The following ARPP21 variants were observed in gnomAD, a reference collection of about 807,000 sequenced individuals.
ARPP21 encodes cAMP-regulated phosphoprotein 21.
ARPP21 carries 69 observed loss-of-function variants against 113.2 expected under a neutral mutation model. The observed-to-expected ratio is 0.61, with a 90% confidence interval of 0.50 to 0.74. The LOEUF (loss-of-function observed/expected upper bound fraction) is 0.74, where lower values mean the gene tolerates loss of function less well. Among genes scored for constraint, ARPP21 ranks in the 30% least tolerant of loss-of-function variants. ARPP21 has a pLI of 0.00. For missense variants in ARPP21, 1,070 were observed against 1,037.4 expected (o/e 1.03, Z -0.43); for synonymous variants, 368 against 375.5 (o/e 0.98, Z 0.23).
chr3:35,683,655 G>C (rs536190474), intron 4 of ARPP21, 71 bp from the exon 5 acceptor site: 1 of 736,696 alleles, frequency 1.4e-6, no homozygotes, highest in African/African-American at 1.7e-5. Flanking sequence ...GAGATGATTT[G>C]GCAGTCTGAG....
At chr3:35,683,896 G>T (rs779599344) in intron 5 of ARPP21, 81 bp downstream of exon 5, 1 of 972,278 alleles carries the variant, frequency 1.0e-6, no homozygotes, top group Middle Eastern at 2.1e-4. Context: ...GTGTTAAACA[G>T]TGTTTTGGGG....
At chr3:35,643,998 T>G (rs1699207596) in intron 1 of ARPP21, among the ~76,000 whole-genome samples, 1 of 152,030 alleles carries the variant, frequency 6.6e-6, no homozygotes, top group African/African-American at 2.4e-5. Context: ...CTTCCTTTCT[T>G]TAGACAAAGG....
Position 35,743,907 on chromosome 3 carries a change from C to G in ARPP21, c.2079C>G (p.Ala693=), listed in dbSNP as rs1433240310. 6.2e-7 allele frequency: 1 copy of G among 1,613,532 alleles called. No individual in the cohort carries two copies. The highest frequency in any genetic ancestry group is 8.5e-7 in the Non-Finnish European group (1 of 1,179,526). Reference sequence around the variant, plus strand: ...CCACGCAACAGTACCGGCCCATGGCCCCGGTTCAGTACAACGCTCAGAGGA... The same window carrying G: ...CCACGCAACAGTACCGGCCCATGGCGCCGGTTCAGTACAACGCTCAGAGGA... ...TSTTQQYRPM[A]PVQYNAQRSQ... is the part of the protein sequence containing the mutation. The change falls in exon 19 of 21, where the codon GCC becomes GCG. Residue 693 remains alanine (A), a synonymous_variant. Transcript: ENST00000684406.
intron 1 of ARPP21, among the ~76,000 whole-genome samples, chr3:35,652,648 A>G (rs1015359229): frequency 1.3e-5 from 2 of 152,022 alleles, no homozygotes; most frequent in African/African-American, 2.4e-5. Context: ...GGGCTTATAT[A>G]TTTTACTGGG....
intron 9 of ARPP21, among the ~76,000 whole-genome samples, chr3:35,702,224 C>T (rs544110218): frequency 6.6e-6 from 1 of 151,530 alleles, no homozygotes; most frequent in African/African-American, 2.4e-5. Context: ...GTATTAATTG[C>T]TTTTCTATGT....
intron 19 of ARPP21, among the ~76,000 whole-genome samples, chr3:35,782,546 A>G (rs1441644645): frequency 1.3e-5 from 2 of 151,992 alleles, no homozygotes; most frequent in Non-Finnish European, 2.9e-5. Context: ...TTGCTGCTGG[A>G]TCAAATAAAG....
chr3:35,731,837 G>A (rs2093995978), intron 15 of ARPP21, among the ~76,000 whole-genome samples: 1 of 152,124 alleles, frequency 6.6e-6, no homozygotes, highest in African/African-American at 2.4e-5. Flanking sequence ...AGAAATACTT[G>A]GGTGTTAGGA....
At chr3:35,682,809 T>C (rs779606570) in intron 3 of ARPP21, 39 bp from the exon 4 acceptor site, 2 of 1,579,536 alleles carry the variant, frequency 1.3e-6, no homozygotes, top group Non-Finnish European at 8.6e-7. Context: ...TTTTTGTTTG[T>C]TTTATTTTAT....
chr3:35,707,564 A>G (rs1559690785), intron 10 of ARPP21: 2 of 457,078 alleles, frequency 4.4e-6, no homozygotes, highest in Non-Finnish European at 8.8e-6. Flanking sequence ...GGATTTTGCA[A>G]CTATCCTAAA....
chr3:35,701,770 G>A (rs1432923306), intron 9 of ARPP21, among the ~76,000 whole-genome samples: 1 of 151,204 alleles, frequency 6.6e-6, no homozygotes, highest in Admixed American at 6.6e-5. Flanking sequence ...GACAGGGTAG[G>A]AGTGGTTGAC....
chr3:35,660,878 C>A (rs1490868002), intron 1 of ARPP21, among the ~76,000 whole-genome samples: 1 of 152,004 alleles, frequency 6.6e-6, no homozygotes, highest in African/African-American at 2.4e-5. Context: ...AGTGAACAAT[C>A]CTATAATGAC....
At chr3:35,728,239 G>A (rs1253009228) in intron 14 of ARPP21, among the ~76,000 whole-genome samples, 3 of 15,532 alleles carry the variant, frequency 1.9e-4, no homozygotes, top group African/African-American at 8.0e-4. Context: ...TTTTTTTTTT[G>A]ACGGAGTCTG....
intron 19 of ARPP21, among the ~76,000 whole-genome samples, chr3:35,749,290 C>A (rs1313806709): frequency 6.6e-6 from 1 of 152,002 alleles, no homozygotes; most frequent in Non-Finnish European, 1.5e-5. Flanking sequence ...ACATTCAAAT[C>A]ACACACTAGA....
rs559721693 is a variant in ARPP21 at position 35,697,005 on chromosome 3, T to C, written c.686+6000T>C. 5.9e-5 allele frequency among the ~76,000 whole-genome samples: 9 copies of C among 151,696 alleles called. No homozygotes were observed. In the East Asian group the frequency reaches 9.8e-4, roughly 16 times the overall value. On this transcript the variant is annotated intron_variant, in intron 9 of 20. Transcript: ENST00000684406. ...AAGGAAGCACACTTAGAGTGTACCATTGGAGACTAGAAACCATCCTCTTGC... is the reference window on the plus strand; with the variant it reads ...AAGGAAGCACACTTAGAGTGTACCACTGGAGACTAGAAACCATCCTCTTGC...
chr3:35,727,284 A>T lies in ARPP21; in HGVS notation c.1226-2019A>T, dbSNP rs149283821. ...GTCGTGATTAAAGCTTGAGCTATAG[A>T]TCAGTCTGCACAGACCAAATTCCAG... On this transcript the variant is annotated intron_variant, in intron 14 of 20. Coordinates refer to ENST00000684406, the MANE Select transcript of ARPP21 (RefSeq NM_001385562.1). 1.2e-4 allele frequency among the ~76,000 whole-genome samples: 19 copies of T among 152,340 alleles called. No individual in the cohort carries two copies. In the East Asian group the frequency reaches 3.7e-3, roughly 29 times the overall value.
At chr3:35,696,397 C>T (rs1452104129) in intron 9 of ARPP21, among the ~76,000 whole-genome samples, 1 of 151,476 alleles carries the variant, frequency 6.6e-6, no homozygotes, top group Non-Finnish European at 1.5e-5. Flanking sequence ...TCAGAGCCAA[C>T]CAGAGTAAGA....
At chr3:35,718,203 T>C (rs547002821) in intron 13 of ARPP21, among the ~76,000 whole-genome samples, 27 of 152,320 alleles carry the variant, frequency 1.8e-4, no homozygotes, top group African/African-American at 6.3e-4. Flanking sequence ...TTCTGGACTT[T>C]AGAACTCATT....
chr3:35,678,291 G>A (rs1031876373), intron 1 of ARPP21, among the ~76,000 whole-genome samples: 3 of 151,892 alleles, frequency 2.0e-5, no homozygotes, highest in Non-Finnish European at 4.4e-5. Flanking sequence ...TGATCCTTGA[G>A]AACTTCATTC....
intron 16 of ARPP21, 142 bp downstream of exon 16, chr3:35,737,504 G>A: frequency 1.8e-6 from 1 of 547,996 alleles, no homozygotes; most frequent in Non-Finnish European, 3.0e-6. Context: ...AGAGTTCTTT[G>A]CAGATTGACA....
Sources: gnomAD v4.1 joint callset for allele counts (sites outside exome capture counted in the v4.1 genomes callset) on GRCh38, gnomAD v4.1.1 for gene constraint, MANE v1.5 for transcripts, NCBI Gene and HGNC (gene_info 2026-07-23, HGNC 2026-07-21) for gene names.